PCSK6: variants seen among roughly 807,000 people sequenced by gnomAD.
PCSK6 encodes paired basic amino acid cleaving enzyme 4.
PCSK6 carries 85 observed loss-of-function variants against 123.3 expected under a neutral mutation model. The observed-to-expected ratio is 0.69, with a 90% confidence interval of 0.58 to 0.83. PCSK6 has a LOEUF of 0.83. Ranked by LOEUF, PCSK6 falls within the 40% of genes least tolerant of loss-of-function variation. PCSK6 has a pLI of 0.00. For synonymous variants in PCSK6, 508 were observed against 516.0 expected, an observed-to-expected ratio of 0.98 and a Z score of 0.21; for missense variants, 1,191 against 1,282.3, an observed-to-expected ratio of 0.93 and a Z score of 1.09.
At chr15:101,310,670 C>T (rs572157007) in intron 20 of PCSK6, among the ~76,000 whole-genome samples, 8 of 152,254 alleles carry the variant, frequency 5.3e-5, no homozygotes, top group South Asian at 2.1e-4. Flanking sequence ...GATACGTAAC[C>T]GCCACCAGGT....
chr15:101,347,279 A>G, intron 13 of PCSK6: 1 of 1,232,486 alleles, frequency 8.1e-7, no homozygotes, highest in Non-Finnish European at 1.0e-6. Context: ...AGAAATGAAG[A>G]TTAGCTCAAA....
chr15:101,370,578 A>T, intron 11 of PCSK6, 55 bp from the exon 12 acceptor site: 1 of 1,380,174 alleles, frequency 7.2e-7, no homozygotes, highest in South Asian at 1.7e-5. Context: ...AGTCTCACCC[A>T]CACAGCCAGG....
intron 9 of PCSK6, among the ~76,000 whole-genome samples, chr15:101,387,568 G>C (rs373606881): frequency 6.6e-6 from 1 of 152,236 alleles, no homozygotes; most frequent in East Asian, 1.9e-4. Flanking sequence ...ATGTCTAAGA[G>C]AGGATGTTGA....
intron 6 of PCSK6, among the ~76,000 whole-genome samples, chr15:101,424,322 C>T (rs1454801009): frequency 6.6e-6 from 1 of 151,268 alleles, no homozygotes; most frequent in Non-Finnish European, 1.5e-5. Flanking sequence ...ATCGACTCAT[C>T]GTCGGAAACA....
At chr15:101,448,267 C>A (rs2056944655) in intron 1 of PCSK6, among the ~76,000 whole-genome samples, 2 of 152,208 alleles carry the variant, frequency 1.3e-5, no homozygotes, top group Non-Finnish European at 2.9e-5. Context: ...ATTAGAACAT[C>A]ATTACAAACC....
chr15:101,396,212 C>T (rs1476256022), intron 7 of PCSK6, among the ~76,000 whole-genome samples: 1 of 152,182 alleles, frequency 6.6e-6, no homozygotes, highest in Non-Finnish European at 1.5e-5. Flanking sequence ...GGGGAAACCA[C>T]GTGGTCCCCT....
At chr15:101,437,392 C>T (rs2056631599) in intron 2 of PCSK6, among the ~76,000 whole-genome samples, 1 of 152,198 alleles carries the variant, frequency 6.6e-6, no homozygotes, top group African/African-American at 2.4e-5. Flanking sequence ...ACAGCGGGAA[C>T]CCAGTGAGTA....
At chr15:101,381,528 G>T (rs1695597976) in intron 11 of PCSK6, among the ~76,000 whole-genome samples, 1 of 152,216 alleles carries the variant, frequency 6.6e-6, no homozygotes, top group South Asian at 2.1e-4. Context: ...TAAGAAGGTT[G>T]TACGGAGCCA....
At position 101,436,471 on chromosome 15, in the gene PCSK6, G is replaced by A. The variant is rs571430816; in HGVS notation, c.403-4371C>T. ...TCTCCCTGGTTTCATCAAAGCGAAG[G>A]TTACTTTATTCTGTAACTGTGAAAG... On this transcript the variant is annotated intron_variant, in intron 2 of 21. Transcript: ENST00000611716. Among the ~76,000 whole-genome samples, 11 of 152,298 alleles carry A rather than the reference G, an allele frequency of 7.2e-5. No individual in the cohort carries two copies. The South Asian group carries it at 2.3e-3, about 32-fold the overall frequency.
chr15:101,469,634 C>A (rs2057555118), intron 1 of PCSK6, among the ~76,000 whole-genome samples: 1 of 152,180 alleles, frequency 6.6e-6, no homozygotes, highest in South Asian at 2.1e-4. Flanking sequence ...GGGGTGTCCA[C>A]ACGCTGCTGA....
Position 101,370,365 on chromosome 15 carries a change from G to C in PCSK6, c.1691C>G (p.Ser564Trp). Residue 564 changes from serine (S) to tryptophan (W), a missense_variant, in exon 12 of 22, where the codon TCG becomes TGG. Ser to Trp is a radical substitution (Grantham distance 177). Coordinates refer to ENST00000611716, the MANE Select transcript of PCSK6 (RefSeq NM_002570.5). Reference sequence around the variant, plus strand: ...TGCCAGAAGTTGAGACTTGGTTCCCGAGGGAGAAACCAGGTAGATCTGGAG... The same window carrying C: ...TGCCAGAAGTTGAGACTTGGTTCCCCAGGGAGAAACCAGGTAGATCTGGAG... Reference protein sequence around the residue: ...GDLQIYLVSPSGTKSQLLAKR... With the variant: ...GDLQIYLVSPWGTKSQLLAKR... 1 of 1,552,518 alleles carries C rather than the reference G, an allele frequency of 6.4e-7. No individual in the cohort carries two copies. Among genetic ancestry groups the C allele is most frequent in the Non-Finnish European group, 8.7e-7 (1 of 1,147,550 alleles).
chr15:101,469,973 T>C (rs2057565566), intron 1 of PCSK6, among the ~76,000 whole-genome samples: 1 of 152,190 alleles, frequency 6.6e-6, no homozygotes, highest in Admixed American at 6.5e-5. Flanking sequence ...ATGATATCAA[T>C]ATGACTGGCA....
At chr15:101,359,185 G>A (rs1403998513) in intron 13 of PCSK6, among the ~76,000 whole-genome samples, 2 of 152,314 alleles carry the variant, frequency 1.3e-5, no homozygotes, top group East Asian at 1.9e-4. Context: ...GACTCCAGAC[G>A]CCCTTGCAGG....
At chr15:101,390,424 C>T (rs1476596470) in intron 8 of PCSK6, among the ~76,000 whole-genome samples, 6 of 152,212 alleles carry the variant, frequency 3.9e-5, no homozygotes, top group East Asian at 1.9e-4. Flanking sequence ...GGTAGCCAGC[C>T]GACCTTAAAC....
chr15:101,366,188 C>T lies in PCSK6; in HGVS notation c.1858+8G>A. ...AAAGCTGTCATGAGATTCCCAAGAG[C>T]CACTGACCTTGCTTCTCCGGGTTGC... is the stretch of plus-strand genomic sequence containing the variant. On this transcript the variant is annotated splice_region_variant and intron_variant, in intron 13 of 21. Coordinates refer to ENST00000611716, the MANE Select transcript of PCSK6 (RefSeq NM_002570.5). 1 of 1,609,410 alleles carries T rather than the reference C, an allele frequency of 6.2e-7. No homozygotes were observed. Among genetic ancestry groups the T allele is most frequent in the Non-Finnish European group, 8.5e-7 (1 of 1,177,526 alleles).
intron 2 of PCSK6, among the ~76,000 whole-genome samples, chr15:101,438,160 G>T (rs1349928226): frequency 6.6e-6 from 1 of 152,184 alleles, no homozygotes; most frequent in East Asian, 1.9e-4. Context: ...CGCATCCTGT[G>T]GGACTTTGTT....
intron 2 of PCSK6, among the ~76,000 whole-genome samples, chr15:101,435,867 T>G (rs1377937995): frequency 2.0e-5 from 3 of 152,144 alleles, no homozygotes; most frequent in African/African-American, 2.4e-5. Flanking sequence ...GTAAATGGCT[T>G]GCCATGCTGC....
intron 6 of PCSK6, among the ~76,000 whole-genome samples, chr15:101,401,843 C>A (rs2042596985): frequency 6.6e-6 from 1 of 152,084 alleles, no homozygotes; most frequent in Non-Finnish European, 1.5e-5. Context: ...GGCCATACTG[C>A]CCAAGGTAAT....
At chr15:101,347,673 C>T (rs767874423) in intron 13 of PCSK6, 1 of 1,600,432 alleles carries the variant, frequency 6.2e-7, no homozygotes, top group Non-Finnish European at 8.6e-7. Flanking sequence ...AGCCAAAGTT[C>T]TAAATGTGGT....
Sources: gnomAD v4.1 joint callset for allele counts (sites outside exome capture counted in the v4.1 genomes callset) on GRCh38, gnomAD v4.1.1 for gene constraint, MANE v1.5 for transcripts, NCBI Gene and HGNC (gene_info 2026-07-23, HGNC 2026-07-21) for gene names.